The following RAPGEF5 variants were observed in gnomAD, a reference collection of about 807,000 sequenced individuals.
RAPGEF5 encodes the protein M-Ras-regulated GEF.
RAPGEF5 carries 65 observed loss-of-function variants against 125.2 expected under a neutral mutation model. The observed-to-expected ratio is 0.52, with a 90% CI of 0.43 to 0.64. The LOEUF (loss-of-function observed/expected upper bound fraction) is 0.64. Ranked by LOEUF, RAPGEF5 falls within the 30% of genes least tolerant of loss-of-function variation. The pLI is 0.00. For synonymous variants in RAPGEF5, 391 were observed against 385.9 expected, an observed-to-expected ratio of 1.01 and a Z score of -0.16; for missense variants, 958 against 1,048.1, an observed-to-expected ratio of 0.91 and a Z score of 1.19.
intron 5 of RAPGEF5, among the ~76,000 whole-genome samples, chr7:22,307,470 G>C (rs1408469731): frequency 6.6e-6 from 1 of 152,074 alleles, no homozygotes; most frequent in Non-Finnish European, 1.5e-5. Flanking sequence ...TTTCTGTGTA[G>C]ATAGTTGTTA....
chr7:22,336,863 AC>A (rs1196201331), intron 1 of RAPGEF5, among the ~76,000 whole-genome samples: 1 of 152,002 alleles, frequency 6.6e-6, no homozygotes, highest in African/African-American at 2.4e-5. Flanking sequence ...TGTGACAAGG[AC>A]CCCCATCTTT....
rs560541172 is a variant in RAPGEF5 at position 22,354,889 on chromosome 7, G to A, written c.231+1941C>T. On this transcript the variant is annotated intron_variant, in intron 1 of 25. Coordinates refer to ENST00000665637, the MANE Select transcript of RAPGEF5 (RefSeq NM_012294.5). ...CTGTTGTTTAAACCACCCAGTCTACGGTATTTTGTTATGACAGCCTGAGCT... is the reference window on the plus strand; with the variant it reads ...CTGTTGTTTAAACCACCCAGTCTACAGTATTTTGTTATGACAGCCTGAGCT... 2.2e-4 allele frequency among the ~76,000 whole-genome samples: 33 copies of A among 152,236 alleles called. No homozygotes were observed. The South Asian group carries it at 4.4e-3, about 20-fold the overall frequency.
intron 25 of RAPGEF5, among the ~76,000 whole-genome samples, chr7:22,123,215 C>G (rs1051030027): frequency 6.6e-6 from 1 of 152,118 alleles, no homozygotes; most frequent in Admixed American, 6.5e-5. Context: ...GTCAAGGAAT[C>G]GAGGGGCCAA....
intron 1 of RAPGEF5, among the ~76,000 whole-genome samples, chr7:22,329,335 A>C (rs1379527548): frequency 6.6e-6 from 1 of 152,206 alleles, no homozygotes; most frequent in Non-Finnish European, 1.5e-5. Flanking sequence ...ATCTAAAGTT[A>C]ATAAAGTGTC....
chr7:22,345,642 T>A (rs1008405251), intron 1 of RAPGEF5, among the ~76,000 whole-genome samples: 7 of 151,792 alleles, frequency 4.6e-5, no homozygotes, highest in Non-Finnish European at 8.8e-5. Flanking sequence ...TGGGCTTTTT[T>A]AAGATCTAGC....
chr7:22,173,487 C>G (rs1784413374), intron 11 of RAPGEF5, among the ~76,000 whole-genome samples: 1 of 152,158 alleles, frequency 6.6e-6, no homozygotes, highest in Admixed American at 6.6e-5. Flanking sequence ...AAAGTGCTTA[C>G]TTATTTAACG....
chr7:22,209,279 G>T (rs1003054960), intron 9 of RAPGEF5, among the ~76,000 whole-genome samples: 1 of 152,194 alleles, frequency 6.6e-6, no homozygotes, highest in African/African-American at 2.4e-5. Flanking sequence ...TCTTTTCTCA[G>T]ATTTTAAGGA....
chr7:22,301,604 G>A (rs1320648579), intron 5 of RAPGEF5, among the ~76,000 whole-genome samples: 1 of 119,296 alleles, frequency 8.4e-6, no homozygotes, highest in Admixed American at 1.0e-4. Flanking sequence ...GGCAGAGTGA[G>A]ACTCTGTCTC....
chr7:22,217,459 A>C (rs752995830), intron 9 of RAPGEF5, among the ~76,000 whole-genome samples: 13 of 152,340 alleles, frequency 8.5e-5, no homozygotes, highest in Middle Eastern at 3.4e-3. Flanking sequence ...CAAATGCCCA[A>C]GACATAAAAG....
At chr7:22,290,852 A>ATTC (rs1583553160) in intron 6 of RAPGEF5, among the ~76,000 whole-genome samples, 1 of 152,058 alleles carries the variant, frequency 6.6e-6, no homozygotes, top group East Asian at 1.9e-4. Flanking sequence ...CCCTAATGAA[A>ATTC]GAGTCTTTTC....
At chr7:22,189,231 A>C (rs1784916554) in intron 11 of RAPGEF5, among the ~76,000 whole-genome samples, 1 of 152,100 alleles carries the variant, frequency 6.6e-6, no homozygotes, top group Non-Finnish European at 1.5e-5. Flanking sequence ...ATGGGAAATA[A>C]CATATTTCCT....
chr7:22,212,992 A>G (rs917655169), intron 9 of RAPGEF5, among the ~76,000 whole-genome samples: 4 of 152,262 alleles, frequency 2.6e-5, no homozygotes, highest in Admixed American at 2.6e-4. Flanking sequence ...CAGCATTTGT[A>G]CAGCAGAGAA....
rs1238360792 is a variant in RAPGEF5 at position 22,157,839 on chromosome 7, A to G, written c.1557+16T>C. 1.2e-6 allele frequency: 2 copies of G among 1,608,106 alleles called. No homozygotes were observed. The highest frequency in any genetic ancestry group is 1.7e-5 in the Admixed American group (1 of 59,994). ...AACCGGATCACCTAATTTTAGGTAT[A>G]GAAGCATCTGCTTACCTTTTTTTGT... On this transcript the variant is annotated intron_variant, in intron 15 of 25. Coordinates refer to ENST00000665637, the MANE Select transcript of RAPGEF5 (RefSeq NM_012294.5).
intron 7 of RAPGEF5, among the ~76,000 whole-genome samples, chr7:22,243,965 C>A (rs974190565): frequency 3.3e-5 from 5 of 152,174 alleles, no homozygotes; most frequent in Admixed American, 3.3e-4. Context: ...GTGGTTACTA[C>A]CTTTCTACTC....
chr7:22,262,400 A>T (rs1782177117), intron 7 of RAPGEF5, among the ~76,000 whole-genome samples: 1 of 152,174 alleles, frequency 6.6e-6, no homozygotes, highest in African/African-American at 2.4e-5. Flanking sequence ...AAAATTAAAA[A>T]TAATAATAAT....
intron 6 of RAPGEF5, among the ~76,000 whole-genome samples, chr7:22,284,468 T>C (rs1440661722): frequency 6.6e-6 from 1 of 152,142 alleles, no homozygotes; most frequent in Admixed American, 6.5e-5. Context: ...TTAATGCCCC[T>C]TGGAACTAGA....
intron 1 of RAPGEF5, among the ~76,000 whole-genome samples, chr7:22,320,434 G>T (rs1228069911): frequency 6.6e-6 from 1 of 152,184 alleles, no homozygotes; most frequent in Non-Finnish European, 1.5e-5. Flanking sequence ...CTCATTTTTA[G>T]CAGGTACTGG....
chr7:22,118,366 A>ATAAGG lies in RAPGEF5; in HGVS notation c.*4035_*4039dup, dbSNP rs1782466330. ...TTTAAAAAAAAATTGAAAATACAAG[A>ATAAGG]TAAGGTAAGGGTTACTTATATAAGT... is the stretch of plus-strand genomic sequence containing the variant. On this transcript the variant is annotated 3_prime_UTR_variant, in exon 26 of 26. Transcript: ENST00000665637. 6.6e-6 allele frequency: 1 copy of ATAAGG among 152,550 alleles called. No homozygotes were observed. Among genetic ancestry groups the ATAAGG allele is most frequent in the African/African-American group, 2.4e-5 (1 of 41,406 alleles). The allele number at this position is 152,550 out of a possible 1,614,324, so 9.4% of individuals were successfully genotyped here. A position where few individuals can be genotyped will look rare whatever the true frequency, so the allele number is the denominator to read the frequency against.
intron 11 of RAPGEF5, among the ~76,000 whole-genome samples, chr7:22,171,163 T>C (rs185397988): frequency 1.6e-4 from 25 of 152,264 alleles, no homozygotes; most frequent in African/African-American, 6.0e-4. Flanking sequence ...GTCCCATTGG[T>C]ATTTAGAGAT....
Sources: allele counts gnomAD v4.1 joint callset (sites outside exome capture counted in the v4.1 genomes callset), GRCh38; gene constraint gnomAD v4.1.1; transcripts MANE v1.5; gene names NCBI Gene and HGNC (gene_info 2026-07-23, HGNC 2026-07-21).